Variants in SYT13 observed in about 807,000 individuals in gnomAD.
SYT13 encodes the protein synaptotagmin-13.
A neutral mutation model predicts 38.6 loss-of-function variants in SYT13; 21 were observed. The observed-to-expected ratio is 0.54, with a 90% CI of 0.39 to 0.78. SYT13 has a LOEUF of 0.78. Among genes scored for constraint, SYT13 ranks in the 30% least tolerant of loss-of-function variants. SYT13 has a pLI of 0.00. For missense variants in SYT13, 495 were observed against 548.7 expected, an observed-to-expected ratio of 0.90 and a Z score of 0.98; for synonymous variants, 241 against 237.6, an observed-to-expected ratio of 1.01 and a Z score of -0.13.
chr11:45,278,743 A>G lies in SYT13; in HGVS notation c.183+7282T>C, dbSNP rs569531412. Among the ~76,000 whole-genome samples the G allele has an allele frequency of 9.8e-5, 15 of 152,350 alleles. 1 individual carries two copies. The East Asian group carries it at 2.7e-3, about 27-fold the overall frequency. ...ACTAGGGGAGGAAGGGAGATGGGACAGGTCAGACCTGTCACTGGAAAAAAG... is the reference window on the plus strand; with the variant it reads ...ACTAGGGGAGGAAGGGAGATGGGACGGGTCAGACCTGTCACTGGAAAAAAG... On this transcript the variant is annotated intron_variant, in intron 1 of 5. Coordinates refer to ENST00000020926, the MANE Select transcript of SYT13 (RefSeq NM_020826.3).
chr11:45,285,782 TCA>T (rs1855126471), intron 1 of SYT13: 1 of 704,876 alleles, frequency 1.4e-6, no homozygotes, highest in African/African-American at 1.7e-5. Context: ...CATTCTTCTC[TCA>T]GTCCCCACAA....
chr11:45,271,596 A>T (rs147240994), intron 1 of SYT13, among the ~76,000 whole-genome samples: 18 of 152,316 alleles, frequency 1.2e-4, no homozygotes, highest in African/African-American at 4.1e-4. Context: ...AAAAATCTTG[A>T]ATTCTATCTT....
chr11:45,254,493 G>A, intron 2 of SYT13, 89 bp from the exon 3 acceptor site: 1 of 1,517,078 alleles, frequency 6.6e-7, no homozygotes, highest in Non-Finnish European at 8.8e-7. Flanking sequence ...ACCTATGCCA[G>A]GAACCCAAAC....
chr11:45,260,743 A>T (rs1854804651), intron 1 of SYT13, among the ~76,000 whole-genome samples: 1 of 152,114 alleles, frequency 6.6e-6, no homozygotes, highest in South Asian at 2.1e-4. Context: ...GAAGAATCAC[A>T]CCCTCAGATG....
At chr11:45,266,769 T>G (rs907954360) in intron 1 of SYT13, among the ~76,000 whole-genome samples, 2 of 152,194 alleles carry the variant, frequency 1.3e-5, no homozygotes, top group Non-Finnish European at 2.9e-5. Context: ...TCTTAACCAG[T>G]CCAAAGGTTT....
intron 1 of SYT13, among the ~76,000 whole-genome samples, chr11:45,268,121 G>A (rs1314471531): frequency 1.3e-5 from 2 of 152,166 alleles, no homozygotes; most frequent in African/African-American, 4.8e-5. Flanking sequence ...CCTGCTGGCA[G>A]CTGCCCCTCC....
At chr11:45,278,342 C>A (rs1207027648) in intron 1 of SYT13, among the ~76,000 whole-genome samples, 1 of 152,136 alleles carries the variant, frequency 6.6e-6, no homozygotes, top group Non-Finnish European at 1.5e-5. Context: ...GTGTGGACAA[C>A]AAAGGGACTG....
rs372532235 is a variant in SYT13, at chr11:45,252,405, C to A, written c.846+16G>T. 1 of 1,553,530 alleles carries A rather than the reference C, an allele frequency of 6.4e-7. No homozygotes were observed. The highest frequency in any genetic ancestry group is 1.4e-5 in the African/African-American group (1 of 73,768). ...CACGGGCAGGTTTTACCTTTCTAAC[C>A]CAGGGGTTACCCTACCTTCGCTGAA... On this transcript the variant is annotated intron_variant, in intron 4 of 5. Transcript: ENST00000020926. The surrounding 1 kb of genome is among the most constrained non-coding windows in gnomAD (Gnocchi z 4.3).
chr11:45,285,702 C>T (rs1426114499), intron 1 of SYT13, among the ~76,000 whole-genome samples: 3 of 152,044 alleles, frequency 2.0e-5, no homozygotes, highest in African/African-American at 7.2e-5. Context: ...CTCCTCTTAC[C>T]CTTCCCAGCC....
Position 45,252,814 on chromosome 11 carries a change from C to G in SYT13, c.545-92G>C. The G allele has an allele frequency of 7.2e-7, 1 of 1,392,722 alleles. No homozygotes were observed. Among genetic ancestry groups the G allele is most frequent in the Admixed American group, 2.5e-5 (1 of 39,818 alleles). 86.3% of individuals were successfully genotyped at this position (1,392,722 alleles called of 1,614,324 possible). ...CCTTGCTTAGGGCTGTGGAATCCAGCTTAACGACGTGACCTTGGGTGTCAG... is the reference window on the plus strand; with the variant it reads ...CCTTGCTTAGGGCTGTGGAATCCAGGTTAACGACGTGACCTTGGGTGTCAG... On this transcript the variant is annotated intron_variant, in intron 3 of 5. Coordinates refer to ENST00000020926, the MANE Select transcript of SYT13 (RefSeq NM_020826.3). The surrounding 1 kb of genome is among the most constrained non-coding windows in gnomAD (Gnocchi z 4.3).
intron 1 of SYT13, among the ~76,000 whole-genome samples, chr11:45,285,590 C>T (rs76425610): frequency 0.032 from 4,804 of 152,226 alleles, 125 homozygotes; most frequent in African/African-American, 0.074. Context: ...ACCCATCTCC[C>T]TCTCACAGAC....
intron 1 of SYT13, among the ~76,000 whole-genome samples, chr11:45,282,508 T>C (rs907503248): frequency 1.5e-4 from 23 of 152,282 alleles, no homozygotes; most frequent in African/African-American, 5.3e-4. Flanking sequence ...TAAAACCAAA[T>C]TGTGAAGTAG....
intron 4 of SYT13, among the ~76,000 whole-genome samples, chr11:45,250,942 G>A (rs181753643): frequency 2.2e-4 from 33 of 152,208 alleles, no homozygotes; most frequent in African/African-American, 7.2e-4. Context: ...CCATTTCCTG[G>A]CTGTGGGACC....
At chr11:45,285,473 T>C (rs111335258) in intron 1 of SYT13, among the ~76,000 whole-genome samples, 267 of 152,232 alleles carry the variant, frequency 1.8e-3, no homozygotes, top group African/African-American at 5.9e-3. Context: ...CCCCGCTAGC[T>C]AGCTTCCCAG....
chr11:45,278,995 A>T (rs939126965), intron 1 of SYT13, among the ~76,000 whole-genome samples: 6 of 152,238 alleles, frequency 3.9e-5, no homozygotes, highest in African/African-American at 1.4e-4. Context: ...CAGCAAAGCA[A>T]TCGAAAGCAT....
chr11:45,246,435 C>T lies in SYT13; in HGVS notation c.924G>A (p.Leu308=). 1.2e-6 allele frequency: 2 copies of T among 1,614,106 alleles called. No homozygotes were observed. Among genetic ancestry groups the T allele is most frequent in the East Asian group, 4.5e-5 (2 of 44,870 alleles). ...LPAANRLLVV[L]IKAKNLHSNQ... ...TAGAGTGGAGGTTCTTGGCTTTAAT[C>T]AGCACCACCAGGAGGCGGTTGGCAG... Residue 308 remains leucine, a synonymous_variant, in exon 5 of 6, where the codon CTG becomes CTA. Transcript: ENST00000020926.
At chr11:45,245,975 T>C (rs1182048337) in intron 5 of SYT13, among the ~76,000 whole-genome samples, 1 of 152,132 alleles carries the variant, frequency 6.6e-6, no homozygotes, top group African/African-American at 2.4e-5. Flanking sequence ...GCCTGAAAGG[T>C]GGGTCCAGCC....
chr11:45,285,857 C>G (rs1344617171), intron 1 of SYT13, 168 bp downstream of exon 1: 2 of 824,552 alleles, frequency 2.4e-6, no homozygotes, highest in South Asian at 1.4e-5. Context: ...TCCCCCATCC[C>G]CCTACCTTTT....
chr11:45,243,930 C>G lies in SYT13; in HGVS notation c.*122G>C. On this transcript the variant is annotated 3_prime_UTR_variant, in exon 6 of 6. Coordinates refer to ENST00000020926, the MANE Select transcript of SYT13 (RefSeq NM_020826.3). Reference sequence around the variant, plus strand: ...AACAAGAGTATGATGAGAGAGCCATCCCAGCCTTGCAAACACATCTGTCAC... The same window carrying G: ...AACAAGAGTATGATGAGAGAGCCATGCCAGCCTTGCAAACACATCTGTCAC... 9.3e-7 allele frequency: 1 copy of G among 1,072,836 alleles called. No homozygotes were observed. The highest frequency in any genetic ancestry group is 1.3e-6 in the Non-Finnish European group (1 of 744,718). The allele number at this position is 1,072,836 out of a possible 1,614,324, so 66.5% of individuals were successfully genotyped here.
Sources: allele counts gnomAD v4.1 joint callset (sites outside exome capture counted in the v4.1 genomes callset), GRCh38; gene constraint gnomAD v4.1.1; non-coding constraint Gnocchi (gnomAD v3.1); transcripts MANE v1.5; gene names NCBI Gene and HGNC (gene_info 2026-07-23, HGNC 2026-07-21).